Variants in TSHR observed in about 807,000 individuals in gnomAD.
TSHR encodes thyroid stimulating hormone receptor, also known as thyrotropin receptor.
In TSHR, 51 loss-of-function variants were observed where a neutral mutation model predicts 64.1. The observed-to-expected ratio is 0.80, with a 90% confidence interval of 0.64 to 1.01. The LOEUF (loss-of-function observed/expected upper bound fraction) is 1.01. TSHR is among the 50% of genes least tolerant of loss of function. The pLI, the probability that TSHR is intolerant of heterozygous loss-of-function variation, is 0.00. For missense variants in TSHR, 877 were observed against 942.8 expected (o/e 0.93, Z 0.91); for synonymous variants, 361 against 361.9 (o/e 1.00, Z 0.03).
chr14:81,142,227 C>T (rs531044523), intron 9 of TSHR, among the ~76,000 whole-genome samples: 185 of 152,228 alleles, frequency 1.2e-3, no homozygotes, highest in South Asian at 5.8e-3. Flanking sequence ...ATTACAGGCA[C>T]GTGCCACTAC....
intron 7 of TSHR, 124 bp downstream of exon 7, chr14:81,096,831 A>ATTTCCATGTTGGTC: frequency 9.1e-7 from 1 of 1,103,038 alleles, no homozygotes; most frequent in Non-Finnish European, 1.3e-6. Flanking sequence ...TAGTGTGACC[A>ATTTCCATGTTGGTC]ACATGGAAAT....
chr14:81,108,456 A>G lies in TSHR; in HGVS notation c.692+4A>G. 1 of 1,612,966 alleles carries G rather than the reference A, an allele frequency of 6.2e-7. No individual in the cohort carries two copies. Among genetic ancestry groups the G allele is most frequent in the Non-Finnish European group, 8.5e-7 (1 of 1,179,236 alleles). ...TATACAGTGGACCAAGCTTGCTGTG[A>G]GTAAGACATACAAAAGAATATTTTA... On this transcript the variant is annotated splice_donor_region_variant and intron_variant, in intron 8 of 9. Coordinates refer to ENST00000298171, the MANE Select transcript of TSHR (RefSeq NM_000369.5).
At chr14:81,011,641 C>T (rs151124929) in intron 1 of TSHR, among the ~76,000 whole-genome samples, 40 of 152,048 alleles carry the variant, frequency 2.6e-4, no homozygotes, top group African/African-American at 8.9e-4. Context: ...TCATCAGGTT[C>T]TAAAAATTAT....
At chr14:81,057,159 C>T (rs962293208) in intron 1 of TSHR, among the ~76,000 whole-genome samples, 2 of 152,094 alleles carry the variant, frequency 1.3e-5, no homozygotes, top group Non-Finnish European at 2.9e-5. Context: ...ACCTGTAATC[C>T]CAGCACTTTG....
chr14:81,065,856 G>A (rs1046217384), intron 2 of TSHR, among the ~76,000 whole-genome samples: 1 of 152,160 alleles, frequency 6.6e-6, no homozygotes, highest in Non-Finnish European at 1.5e-5. Flanking sequence ...ATGATGCTAG[G>A]TTTGTCTGAG....
intron 8 of TSHR, among the ~76,000 whole-genome samples, chr14:81,129,662 A>G (rs1482197484): frequency 2.0e-5 from 3 of 152,058 alleles, no homozygotes; most frequent in African/African-American, 7.2e-5. Flanking sequence ...TGTCCACTTG[A>G]TCACCTTGAT....
At chr14:80,998,163 T>C (rs1889122676) in intron 1 of TSHR, among the ~76,000 whole-genome samples, 1 of 152,206 alleles carries the variant, frequency 6.6e-6, no homozygotes, top group Admixed American at 6.5e-5. Context: ...AATTTCTTTC[T>C]GAAATTTGAG....
intron 1 of TSHR, among the ~76,000 whole-genome samples, chr14:80,986,672 A>T (rs777465148): frequency 6.6e-6 from 1 of 152,124 alleles, no homozygotes; most frequent in African/African-American, 2.4e-5. Flanking sequence ...TTTTTAGTAG[A>T]GATGGGGTTT....
At chr14:81,087,145 A>T (rs1888342066) in intron 3 of TSHR, among the ~76,000 whole-genome samples, 1 of 152,248 alleles carries the variant, frequency 6.6e-6, no homozygotes, top group South Asian at 2.1e-4. Flanking sequence ...ACCACCAATG[A>T]CTAGATGCTG....
chr14:80,978,844 T>G (rs1888024875), intron 1 of TSHR, among the ~76,000 whole-genome samples: 1 of 152,184 alleles, frequency 6.6e-6, no homozygotes, highest in South Asian at 2.1e-4. Context: ...TACCTATCAT[T>G]TAAATGATGC....
At chr14:81,099,028 A>G (rs1889395753) in intron 7 of TSHR, among the ~76,000 whole-genome samples, 1 of 152,200 alleles carries the variant, frequency 6.6e-6, no homozygotes, top group Non-Finnish European at 1.5e-5. Context: ...TATAAAATTC[A>G]GACCTTAAGG....
At chr14:81,046,696 T>C (rs569514986) in intron 1 of TSHR, among the ~76,000 whole-genome samples, 69 of 152,204 alleles carry the variant, frequency 4.5e-4, no homozygotes, top group African/African-American at 1.6e-3. Context: ...TCTAACCCCA[T>C]AAATTCAAGA....
chr14:80,991,630 G>T (rs1888729943), intron 1 of TSHR: 3 of 398,556 alleles, frequency 7.5e-6, no homozygotes, highest in Middle Eastern at 1.3e-3. Context: ...CAAGAGGAAA[G>T]AAAGAGTTGA....
chr14:81,057,237 C>A (rs753311203), intron 1 of TSHR, among the ~76,000 whole-genome samples: 13 of 152,174 alleles, frequency 8.5e-5, no homozygotes, highest in Non-Finnish European at 8.8e-5. Flanking sequence ...ATGGTGAAAC[C>A]CCGTCTCTAC....
chr14:81,004,138 A>T (rs1045156248), intron 1 of TSHR, among the ~76,000 whole-genome samples: 2 of 152,174 alleles, frequency 1.3e-5, no homozygotes, highest in African/African-American at 4.8e-5. Context: ...ACAATCTACC[A>T]ATGGGTTACA....
chr14:81,006,886 C>T (rs1889635816), intron 1 of TSHR, among the ~76,000 whole-genome samples: 1 of 152,094 alleles, frequency 6.6e-6, no homozygotes. Flanking sequence ...CACAAGTTAG[C>T]CCCTAACACC....
intron 1 of TSHR, among the ~76,000 whole-genome samples, chr14:80,987,391 C>G (rs1888514152): frequency 6.6e-6 from 1 of 152,152 alleles, no homozygotes; most frequent in African/African-American, 2.4e-5. Context: ...TCCCTGAATC[C>G]TTTGCTTGTT....
At chr14:81,021,119 C>A (rs984623532) in intron 1 of TSHR, among the ~76,000 whole-genome samples, 2 of 152,006 alleles carry the variant, frequency 1.3e-5, no homozygotes, top group African/African-American at 4.8e-5. Context: ...ATAACATGCA[C>A]AATACATGTA....
intron 1 of TSHR, chr14:80,982,642 A>G: frequency 9.1e-7 from 1 of 1,095,788 alleles, no homozygotes; most frequent in Non-Finnish European, 1.2e-6. Flanking sequence ...GGTCTGAGGT[A>G]ACTATCTGGC....
Sources: allele counts gnomAD v4.1 joint callset (sites outside exome capture counted in the v4.1 genomes callset), GRCh38; gene constraint gnomAD v4.1.1; transcripts MANE v1.5; gene names NCBI Gene and HGNC (gene_info 2026-07-23, HGNC 2026-07-21).